SPSB4: variants seen among roughly 807,000 people sequenced by gnomAD.
The protein encoded by SPSB4 is SPRY domain-containing SOCS box protein 4.
Under a neutral mutation model 20.9 loss-of-function variants are expected in SPSB4, and 21 were observed. The observed-to-expected ratio is 1.01, with a 90% CI of 0.71 to 1.45. SPSB4 has a LOEUF of 1.45. Among genes scored for constraint, SPSB4 ranks in the 40% most tolerant of loss-of-function variants. SPSB4 has a pLI of 0.00. For synonymous variants in SPSB4, 207 were observed against 183.8 expected (o/e 1.13, Z -1.02); for missense variants, 399 against 399.2 (o/e 1.00, Z 0.00).
At chr3:141,086,350 G>A (rs983320661) in intron 2 of SPSB4, among the ~76,000 whole-genome samples, 1 of 152,164 alleles carries the variant, frequency 6.6e-6, no homozygotes, top group South Asian at 2.1e-4. Context: ...CAAACTGCCT[G>A]GGTTCCAGTC....
chr3:141,117,832 C>T (rs192640040), intron 2 of SPSB4, among the ~76,000 whole-genome samples: 2 of 152,352 alleles, frequency 1.3e-5, no homozygotes, highest in African/African-American at 2.4e-5. Flanking sequence ...AGGACATTAA[C>T]TCATCCTTTT....
At chr3:141,076,341 C>A (rs1398773803) in intron 2 of SPSB4, among the ~76,000 whole-genome samples, 1 of 152,254 alleles carries the variant, frequency 6.6e-6, no homozygotes, top group Non-Finnish European at 1.5e-5. Flanking sequence ...ATGTATGTGC[C>A]CTGGAACCCA....
intron 1 of SPSB4, among the ~76,000 whole-genome samples, chr3:141,052,588 G>A (rs910436997): frequency 5.9e-5 from 9 of 152,184 alleles, no homozygotes; most frequent in Admixed American, 5.9e-4. Context: ...CGGAGAGGTG[G>A]AAGTAAAGCA....
At chr3:141,125,160 A>T (rs751807964) in intron 2 of SPSB4, among the ~76,000 whole-genome samples, 2 of 152,230 alleles carry the variant, frequency 1.3e-5, no homozygotes, top group Non-Finnish European at 2.9e-5. Context: ...GGATGCAAAA[A>T]TGGAAGGGGA....
In SPSB4 at chr3:141,108,722, G is replaced by A. The variant is rs544978549; in HGVS notation, c.695-38420G>A. On this transcript the variant is annotated intron_variant, in intron 2 of 2. Coordinates refer to ENST00000310546, the MANE Select transcript of SPSB4 (RefSeq NM_080862.3). The stretch of plus-strand genomic sequence containing the variant: ...AAGGGCTCTGGGTAGTGCAGGAGGC[G>A]TGGAGGAGAGAGAGAATATCAGGTG... Among the ~76,000 whole-genome samples the A allele has an allele frequency of 5.9e-5, 9 of 152,356 alleles. No homozygotes were observed. In the South Asian group the frequency reaches 6.2e-4, roughly 11 times the overall value.
intron 2 of SPSB4, among the ~76,000 whole-genome samples, chr3:141,141,761 G>T (rs2107808434): frequency 6.6e-6 from 1 of 152,138 alleles, no homozygotes; most frequent in East Asian, 1.9e-4. Context: ...ATTTCTTCCT[G>T]ATTTAATCTA....
chr3:141,097,062 C>A (rs564698756), intron 2 of SPSB4, among the ~76,000 whole-genome samples: 2 of 152,314 alleles, frequency 1.3e-5, no homozygotes, highest in East Asian at 3.9e-4. Context: ...CCCGTTCTTT[C>A]CATTTTCACC....
chr3:141,109,334 G>A (rs1022353745), intron 2 of SPSB4, among the ~76,000 whole-genome samples: 4 of 152,046 alleles, frequency 2.6e-5, no homozygotes, highest in African/African-American at 9.7e-5. Flanking sequence ...GAGCTCAGTT[G>A]TTAGTCCTAG....
chr3:141,124,828 G>A (rs1226185401), intron 2 of SPSB4, among the ~76,000 whole-genome samples: 6 of 152,142 alleles, frequency 3.9e-5, no homozygotes, highest in Non-Finnish European at 7.3e-5. Flanking sequence ...GACAGGGCAT[G>A]TGGACCAGTG....
chr3:141,137,815 A>C (rs1233715314), intron 2 of SPSB4, among the ~76,000 whole-genome samples: 1 of 152,048 alleles, frequency 6.6e-6, no homozygotes, highest in African/African-American at 2.4e-5. Context: ...TGTGTCTCTG[A>C]CAGGCTTTGG....
At chr3:141,085,977 C>T (rs913473762) in intron 2 of SPSB4, among the ~76,000 whole-genome samples, 18 of 152,218 alleles carry the variant, frequency 1.2e-4, no homozygotes, top group Non-Finnish European at 1.5e-5. Context: ...ATCCATTGCC[C>T]TTCAGCAGGG....
At chr3:141,124,579 AATGGAG>A (rs1330712610) in intron 2 of SPSB4, among the ~76,000 whole-genome samples, 3 of 152,238 alleles carry the variant, frequency 2.0e-5, no homozygotes, top group African/African-American at 7.2e-5. Context: ...CTGCGTTCAT[AATGGAG>A]TCAGGAAGAT....
intron 2 of SPSB4, among the ~76,000 whole-genome samples, chr3:141,079,620 G>A (rs1027798420): frequency 3.9e-5 from 6 of 152,136 alleles, no homozygotes; most frequent in South Asian, 2.1e-4. Flanking sequence ...ACCCTTAGCC[G>A]GAAGCTGGGC....
chr3:141,147,639 T>C lies in SPSB4; in HGVS notation c.*370T>C, dbSNP rs148683445. The stretch of plus-strand genomic sequence containing the variant: ...CATTTAGGCAGGAGACTTTCTATTG[T>C]GTGCCCCGTTGCAGACAGGGCCAGG... On this transcript the variant is annotated 3_prime_UTR_variant, in exon 3 of 3. Coordinates refer to ENST00000310546, the MANE Select transcript of SPSB4 (RefSeq NM_080862.3). The C allele has an allele frequency of 3.7e-4, 70 of 188,698 alleles. No homozygotes were observed. Among genetic ancestry groups the C allele is most frequent in the African/African-American group, 1.4e-3 (62 of 43,494 alleles). 11.7% of individuals were successfully genotyped at this position (188,698 alleles called of 1,614,324 possible).
chr3:141,091,319 A>G (rs1410429999), intron 2 of SPSB4, among the ~76,000 whole-genome samples: 1 of 152,258 alleles, frequency 6.6e-6, no homozygotes, highest in Non-Finnish European at 1.5e-5. Context: ...GATAAAAGCC[A>G]TAACCACCTC....
chr3:141,119,092 T>A (rs549715092), intron 2 of SPSB4, among the ~76,000 whole-genome samples: 1 of 152,344 alleles, frequency 6.6e-6, no homozygotes, highest in South Asian at 2.1e-4. Flanking sequence ...GTATGACTGT[T>A]TTCACAATAT....
At chr3:141,086,539 C>T (rs544061701) in intron 2 of SPSB4, among the ~76,000 whole-genome samples, 12 of 152,252 alleles carry the variant, frequency 7.9e-5, no homozygotes, top group African/African-American at 2.6e-4. Context: ...ACAGTGTGGA[C>T]GTGTAAGTGG....
At chr3:141,134,020 T>A (rs1939180674) in intron 2 of SPSB4, among the ~76,000 whole-genome samples, 1 of 123,774 alleles carries the variant, frequency 8.1e-6, no homozygotes, top group African/African-American at 3.8e-5. Context: ...TATTTTTCCT[T>A]TTTTTTTTTC....
intron 2 of SPSB4, among the ~76,000 whole-genome samples, chr3:141,111,342 C>T (rs1239213526): frequency 6.8e-6 from 1 of 147,180 alleles, no homozygotes; most frequent in Non-Finnish European, 1.5e-5. Context: ...AATTACTAAA[C>T]CCTGGAACTT....
Sources: allele counts gnomAD v4.1 joint callset (sites outside exome capture counted in the v4.1 genomes callset), GRCh38; gene constraint gnomAD v4.1.1; transcripts MANE v1.5; gene names NCBI Gene and HGNC (gene_info 2026-07-23, HGNC 2026-07-21).